The following PCSK5 variants were observed in gnomAD, a reference collection of about 807,000 sequenced individuals.
The protein encoded by PCSK5 is prohormone convertase 5.
PCSK5 carries 129 observed loss-of-function variants against 233.2 expected under a neutral mutation model. The ratio of observed to expected loss-of-function variants is 0.55; its 90% CI spans 0.48 to 0.64. The LOEUF (loss-of-function observed/expected upper bound fraction) is 0.64. Among genes scored for constraint, PCSK5 ranks in the 30% least tolerant of loss-of-function variants. PCSK5 has a pLI of 0.00. For synonymous variants in PCSK5, 825 were observed against 879.2 expected, an observed-to-expected ratio of 0.94 and a Z score of 1.09; for missense variants, 2,076 against 2,430.1, an observed-to-expected ratio of 0.85 and a Z score of 3.06.
intron 3 of PCSK5, among the ~76,000 whole-genome samples, chr9:76,001,468 C>CTTTTTTTTTTTTTTTTT (rs34379742): frequency 1.1e-5 from 1 of 87,136 alleles, no homozygotes; most frequent in East Asian, 3.8e-4. Context: ...ACCATCATAG[C>CTTTTTTTTTTTTTTTTT]TTTTTTTTTT....
chr9:76,338,581 G>T, intron 35 of PCSK5, 134 bp downstream of exon 35: 1 of 639,556 alleles, frequency 1.6e-6, no homozygotes, highest in Non-Finnish European at 2.8e-6. Context: ...ATCCTCTCCA[G>T]CATCAGCGCC....
intron 1 of PCSK5, among the ~76,000 whole-genome samples, chr9:75,903,574 GTA>G (rs1554703571): frequency 1.7e-5 from 2 of 115,452 alleles, no homozygotes; most frequent in East Asian, 2.6e-4. Flanking sequence ...GTGTGTGTGT[GTA>G]TATATATATA....
chr9:76,055,509 GATT>G (rs1829788101), intron 5 of PCSK5, among the ~76,000 whole-genome samples: 1 of 151,932 alleles, frequency 6.6e-6, no homozygotes, highest in Non-Finnish European at 1.5e-5. Context: ...TCATTTTTAA[GATT>G]ATTATTATTT....
At chr9:76,106,754 T>C (rs1831996398) in intron 8 of PCSK5, among the ~76,000 whole-genome samples, 2 of 152,208 alleles carry the variant, frequency 1.3e-5, no homozygotes, top group Admixed American at 1.3e-4. Flanking sequence ...CAGAGCATAC[T>C]TTTGGCTTGA....
intron 12 of PCSK5, 38 bp from the exon 13 acceptor site, chr9:76,169,666 T>G: frequency 6.2e-7 from 1 of 1,606,234 alleles, no homozygotes; most frequent in Non-Finnish European, 8.5e-7. Flanking sequence ...TCATTGGATT[T>G]GAAATATCGC....
At chr9:76,281,586 G>A (rs1305976569) in intron 24 of PCSK5, among the ~76,000 whole-genome samples, 1 of 152,208 alleles carries the variant, frequency 6.6e-6, no homozygotes, top group Non-Finnish European at 1.5e-5. Context: ...GATTAATGTT[G>A]TTTTCATACC....
chr9:76,095,510 C>A (rs895874876), intron 7 of PCSK5, among the ~76,000 whole-genome samples: 3 of 152,140 alleles, frequency 2.0e-5, no homozygotes, highest in African/African-American at 7.2e-5. Context: ...TACTTAACTT[C>A]CTTTTAAAAA....
Position 76,354,188 on chromosome 9 carries a change from C to A in PCSK5, c.5223C>A (p.Ala1741=). The change falls in exon 37 of 38, where the codon GCC becomes GCA. Residue 1741 remains alanine (A), a synonymous_variant. Transcript: ENST00000674117. ...GCAACACCTCTGATCCCCCCAGTGCCCAGGAGTGCTGTGACTGCCAGGACA... is the reference window on the plus strand; with the variant it reads ...GCAACACCTCTGATCCCCCCAGTGCACAGGAGTGCTGTGACTGCCAGGACA... ...HCCNTSDPPS[A]QECCDCQDTT... 6.3e-7 allele frequency: 1 copy of A among 1,587,994 alleles called. No individual in the cohort carries two copies. The highest frequency in any genetic ancestry group is 2.3e-5 in the East Asian group (1 of 43,592).
At chr9:75,991,246 C>G (rs1826756831) in intron 3 of PCSK5, among the ~76,000 whole-genome samples, 1 of 152,140 alleles carries the variant, frequency 6.6e-6, no homozygotes, top group South Asian at 2.1e-4. Flanking sequence ...TTAGAATCAC[C>G]TGGAGGTCTT....
At chr9:76,160,178 C>G (rs765572515) in intron 12 of PCSK5, among the ~76,000 whole-genome samples, 11 of 152,114 alleles carry the variant, frequency 7.2e-5, no homozygotes, top group Non-Finnish European at 1.6e-4. Context: ...AGCCTCTCCT[C>G]CCTGCTTCCT....
intron 15 of PCSK5, among the ~76,000 whole-genome samples, chr9:76,180,024 C>A (rs1444472047): frequency 7.3e-6 from 1 of 137,410 alleles, no homozygotes. Context: ...TTTTAATTGA[C>A]AAGTAAAAAC....
At chr9:76,263,204 G>A (rs925851344) in intron 24 of PCSK5, among the ~76,000 whole-genome samples, 1 of 152,154 alleles carries the variant, frequency 6.6e-6, no homozygotes, top group African/African-American at 2.4e-5. Flanking sequence ...TTCAACCATT[G>A]TGGAAGTCAG....
At chr9:76,015,143 C>T (rs948199283) in intron 3 of PCSK5, among the ~76,000 whole-genome samples, 2 of 152,212 alleles carry the variant, frequency 1.3e-5, no homozygotes, top group African/African-American at 4.8e-5. Flanking sequence ...CAGTCTGAAT[C>T]TGAAGACAGG....
rs927963294 is a variant in PCSK5, at chr9:76,289,502, C to T, written c.3143-2731C>T. On this transcript the variant is annotated intron_variant, in intron 24 of 37. Transcript: ENST00000674117. ...ACACACACACACACACACACACACA[C>T]ACACACACGCAACATACACACACAC... 1.6e-3 allele frequency among the ~76,000 whole-genome samples: 197 copies of T among 125,466 alleles called. 1 individual carries two copies. Among genetic ancestry groups the T allele is most frequent in the Middle Eastern group, 4.1e-3 (1 of 242 alleles). The allele number at this position is 125,466 out of a possible 152,430, so 82.3% of individuals were successfully genotyped here.
chr9:76,151,364 G>A (rs1485410198), intron 10 of PCSK5, among the ~76,000 whole-genome samples: 2 of 152,178 alleles, frequency 1.3e-5, no homozygotes, highest in East Asian at 3.8e-4. Context: ...ATAGGTAGAT[G>A]AGAATAGCAA....
intron 24 of PCSK5, among the ~76,000 whole-genome samples, chr9:76,284,417 T>C (rs1159867226): frequency 6.6e-6 from 1 of 151,956 alleles, no homozygotes; most frequent in Non-Finnish European, 1.5e-5. Flanking sequence ...GCACACACTC[T>C]CTTGCCTGCC....
At chr9:75,946,038 A>C (rs1824549933) in intron 2 of PCSK5, among the ~76,000 whole-genome samples, 1 of 152,354 alleles carries the variant, frequency 6.6e-6, no homozygotes, top group Admixed American at 6.5e-5. Flanking sequence ...GAGGCCATGC[A>C]TCTCATTAAC....
chr9:76,266,623 T>G (rs191746069), intron 24 of PCSK5, among the ~76,000 whole-genome samples: 2 of 152,236 alleles, frequency 1.3e-5, no homozygotes, highest in Non-Finnish European at 2.9e-5. Context: ...CCAAACTTCT[T>G]AGAAATACTG....
At chr9:75,937,049 AC>A (rs1360633700) in intron 2 of PCSK5, among the ~76,000 whole-genome samples, 1 of 152,074 alleles carries the variant, frequency 6.6e-6, no homozygotes, top group Non-Finnish European at 1.5e-5. Flanking sequence ...TTTGAAAGGA[AC>A]CTTTTTTTAG....
Sources: allele counts gnomAD v4.1 joint callset (sites outside exome capture counted in the v4.1 genomes callset), GRCh38; gene constraint gnomAD v4.1.1; transcripts MANE v1.5; gene names NCBI Gene and HGNC (gene_info 2026-07-23, HGNC 2026-07-21).